Variants in RBFOX2 observed in about 807,000 individuals in gnomAD.
RBFOX2 encodes the protein RNA binding protein fox-1 homolog 2.
Under a neutral mutation model 49.1 loss-of-function variants are expected in RBFOX2, and 10 were observed. That is an observed-to-expected ratio of 0.20 (90% CI 0.13 to 0.35). The LOEUF (loss-of-function observed/expected upper bound fraction) is 0.35. RBFOX2 is among the 10% of genes least tolerant of loss of function. The probability of loss-of-function intolerance (pLI) is 1.00; values close to 1 mark genes in which losing one functional copy is unlikely to be tolerated. For missense variants in RBFOX2, 323 were observed against 486.9 expected, an observed-to-expected ratio of 0.66 and a Z score of 3.17; for synonymous variants, 183 against 187.4, an observed-to-expected ratio of 0.98 and a Z score of 0.19.
At chr22:35,777,015 A>ATT (rs757376652) in intron 4 of RBFOX2, among the ~76,000 whole-genome samples, 162 of 143,896 alleles carry the variant, frequency 1.1e-3, no homozygotes, top group African/African-American at 2.7e-3. Context: ...AGGGGAAATA[A>ATT]TTTTTTTTTT....
intron 1 of RBFOX2, among the ~76,000 whole-genome samples, chr22:35,826,342 C>CA (rs1160241662): frequency 0.28 from 17,376 of 61,916 alleles, 2,087 homozygotes; most frequent in Non-Finnish European, 0.35. Context: ...AACTCCATCT[C>CA]AAAAAAAAAA....
intron 1 of RBFOX2, among the ~76,000 whole-genome samples, chr22:35,879,000 G>A (rs1322716004): frequency 1.3e-5 from 2 of 152,220 alleles, no homozygotes; most frequent in Non-Finnish European, 2.9e-5. Context: ...AAAGTGCTGG[G>A]ATTACAGGCA....
intron 2 of RBFOX2, among the ~76,000 whole-genome samples, chr22:35,802,125 T>C (rs1476329825): frequency 6.6e-6 from 1 of 152,106 alleles, no homozygotes; most frequent in Non-Finnish European, 1.5e-5. Flanking sequence ...TAACTATATA[T>C]ATAATGTAAA....
At chr22:35,944,724 G>C (rs568304367) in intron 1 of RBFOX2, among the ~76,000 whole-genome samples, 2 of 152,196 alleles carry the variant, frequency 1.3e-5, no homozygotes, top group South Asian at 4.2e-4. Flanking sequence ...CTGAGAGTTG[G>C]CTATGAGCAG....
Position 35,744,198 on chromosome 22 carries a change from C to T in RBFOX2, c.1101G>A (p.Thr367=), listed in dbSNP as rs371844393. Residue 367 remains threonine (T), a synonymous_variant, in exon 12 of 12, where the codon ACG becomes ACA. Transcript: ENST00000405409. ...GGCTGTCCCATTTGCAGGGGTCTCA[C>T]GTCACTTCAGTAGGGGGCAAATCGG... 47 of 1,608,480 alleles carry T rather than the reference C, an allele frequency of 2.9e-5. No homozygotes were observed. In the African/African-American group the frequency reaches 5.2e-4, roughly 18 times the overall value.
chr22:35,809,120 G>A (rs923415319), intron 2 of RBFOX2, among the ~76,000 whole-genome samples: 2 of 151,022 alleles, frequency 1.3e-5, no homozygotes, highest in Non-Finnish European at 2.9e-5. Flanking sequence ...CAGTAATACC[G>A]GAAATAAGTG....
At chr22:35,788,611 T>C (rs1946927385) in intron 2 of RBFOX2, among the ~76,000 whole-genome samples, 1 of 152,232 alleles carries the variant, frequency 6.6e-6, no homozygotes, top group African/African-American at 2.4e-5. Flanking sequence ...ATTTTGAAGA[T>C]AACTCTCAAT....
At chr22:35,972,569 T>A (rs1279926043) in intron 1 of RBFOX2, among the ~76,000 whole-genome samples, 4 of 152,204 alleles carry the variant, frequency 2.6e-5, no homozygotes, top group Non-Finnish European at 4.4e-5. Context: ...AGGTCTCTAT[T>A]TTTTCACCAG....
At chr22:35,744,956 T>G (rs1304634478) in intron 11 of RBFOX2, among the ~76,000 whole-genome samples, 1 of 152,254 alleles carries the variant, frequency 6.6e-6, no homozygotes. Flanking sequence ...ATAGGACTTA[T>G]ATCATTTTAG....
chr22:35,743,960 A>G (rs1303872913), exon 12 of RBFOX2: 2 of 405,044 alleles, frequency 4.9e-6, no homozygotes, highest in Non-Finnish European at 8.7e-6. Context: ...AGTTTAAAAA[A>G]AAAAAGAAAA....
chr22:35,940,141 A>G (rs1017716494), upstream of RBFOX2, among the ~76,000 whole-genome samples: 1 of 152,236 alleles, frequency 6.6e-6, no homozygotes, highest in Admixed American at 6.5e-5. Flanking sequence ...AGTCAAAAGC[A>G]TGGAAGTCTG....
At chr22:35,878,974 C>T (rs908588765) in intron 1 of RBFOX2, among the ~76,000 whole-genome samples, 3 of 152,236 alleles carry the variant, frequency 2.0e-5, no homozygotes, top group Admixed American at 6.5e-5. Flanking sequence ...TCGTGATCCA[C>T]CCGCCTTGGC....
chr22:35,801,286 T>C (rs892957100), intron 2 of RBFOX2, among the ~76,000 whole-genome samples: 2 of 152,220 alleles, frequency 1.3e-5, no homozygotes, highest in Non-Finnish European at 2.9e-5. Flanking sequence ...CCATTGTTTT[T>C]AATTGATGAG....
intron 9 of RBFOX2, among the ~76,000 whole-genome samples, chr22:35,753,771 CTTTTTTTTTTTTTTT>C (rs869178693): frequency 1.8e-4 from 10 of 54,504 alleles, no homozygotes; most frequent in Middle Eastern, 0.017. Context: ...GTAGACAAGT[CTTTTTTTTTTTTTTT>C]TTTTTTTTTT....
At chr22:35,925,576 G>A (rs565795655) in intron 1 of RBFOX2, among the ~76,000 whole-genome samples, 8 of 152,226 alleles carry the variant, frequency 5.3e-5, no homozygotes, top group East Asian at 1.9e-4. Context: ...GAGTCAGCTC[G>A]CAAATAAATG....
rs545663687 is a variant in RBFOX2 at position 35,821,601 on chromosome 22, C to A, written c.28-11597G>T. Among the ~76,000 whole-genome samples the A allele has an allele frequency of 8.5e-5, 4 of 46,834 alleles. No homozygotes were observed. In the South Asian group the frequency reaches 2.6e-3, roughly 30 times the overall value. The allele number at this position is 46,834 out of a possible 152,430, so 30.7% of individuals were successfully genotyped here. A position where few individuals can be genotyped will look rare whatever the true frequency, so the allele number is the denominator to read the frequency against. On this transcript the variant is annotated intron_variant, in intron 1 of 11. Coordinates refer to ENST00000405409, the Ensembl canonical transcript of RBFOX2. ...TGGGGGACAGAGTGAGACTCCGTCT[C>A]CAAAAAAAAAAAAAAAAAAAAAAAA...
At chr22:35,859,916 AT>A (rs1184524480) in intron 1 of RBFOX2, among the ~76,000 whole-genome samples, 1 of 152,214 alleles carries the variant, frequency 6.6e-6, no homozygotes, top group Non-Finnish European at 1.5e-5. Context: ...AAGGGGCAAA[AT>A]GTAAAACTTT....
chr22:36,026,319 C>T (rs369444977), intron 1 of RBFOX2, among the ~76,000 whole-genome samples: 50 of 142,158 alleles, frequency 3.5e-4, no homozygotes, highest in African/African-American at 1.4e-3. Context: ...AAAGGATTCT[C>T]GGAGGGATAA....
At chr22:35,951,436 G>A (rs571409274) in intron 1 of RBFOX2, among the ~76,000 whole-genome samples, 1 of 151,376 alleles carries the variant, frequency 6.6e-6, no homozygotes, top group Admixed American at 6.6e-5. Context: ...GTAGAGACGG[G>A]GTTTCTCTAT....
Sources: gnomAD v4.1 joint callset for allele counts (sites outside exome capture counted in the v4.1 genomes callset) on GRCh38, gnomAD v4.1.1 for gene constraint, MANE v1.5 for transcripts, NCBI Gene and HGNC (gene_info 2026-07-23, HGNC 2026-07-21) for gene names.